Variants in NCOR1 observed in about 807,000 individuals in gnomAD.
NCOR1 encodes nuclear receptor corepressor 1.
Under a neutral mutation model 288.1 loss-of-function variants are expected in NCOR1, and 63 were observed. The observed-to-expected ratio is 0.22, with a 90% confidence interval of 0.18 to 0.27. The LOEUF (loss-of-function observed/expected upper bound fraction) is 0.27. NCOR1 is among the 10% of genes least tolerant of loss of function. The pLI is 1.00. For missense variants in NCOR1, 2,397 were observed against 3,019.2 expected (o/e 0.79, Z 4.83); for synonymous variants, 1,007 against 1,065.9 (o/e 0.94, Z 1.08).
intron 1 of NCOR1, among the ~76,000 whole-genome samples, chr17:16,195,460 G>A (rs1184029027): frequency 1.3e-5 from 2 of 148,350 alleles, no homozygotes; most frequent in Non-Finnish European, 3.0e-5. Flanking sequence ...AACAGAGCAA[G>A]ACTCCGTCTC....
chr17:16,174,497 T>C (rs1332395248), intron 3 of NCOR1, among the ~76,000 whole-genome samples: 3 of 152,132 alleles, frequency 2.0e-5, no homozygotes, highest in South Asian at 4.1e-4. Context: ...AGGCATACCA[T>C]ACCCAGTACT....
At chr17:16,091,288 C>A (rs770222105) in intron 22 of NCOR1, among the ~76,000 whole-genome samples, 2 of 152,188 alleles carry the variant, frequency 1.3e-5, no homozygotes, top group African/African-American at 2.4e-5. Context: ...TATAACAATA[C>A]CGAATGCTCC....
chr17:16,212,715 C>T (rs182229653), intron 1 of NCOR1, among the ~76,000 whole-genome samples: 72 of 152,256 alleles, frequency 4.7e-4, no homozygotes, highest in Admixed American at 4.1e-3. Flanking sequence ...AGGCCTTTGC[C>T]TTCTACAGCA....
chr17:16,086,693 A>G (rs1280653723), intron 22 of NCOR1, among the ~76,000 whole-genome samples: 1 of 152,166 alleles, frequency 6.6e-6, no homozygotes. Flanking sequence ...GCTTATTTCA[A>G]ACTTCTGCTT....
Position 16,150,211 on chromosome 17 carries a change from A to G in NCOR1, c.843-694T>C, listed in dbSNP as rs777018795. ...ATATAAATACAAAGCCAAGGCAAGTAGAAGTAATTTTTTGGATTATCTGCC... is the reference window on the plus strand; with the variant it reads ...ATATAAATACAAAGCCAAGGCAAGTGGAAGTAATTTTTTGGATTATCTGCC... On this transcript the variant is annotated intron_variant, in intron 8 of 45. Transcript: ENST00000268712. Among the ~76,000 whole-genome samples, 56 of 152,140 alleles carry G rather than the reference A, an allele frequency of 3.7e-4. 1 individual carries two copies. Among genetic ancestry groups the G allele is most frequent in the Non-Finnish European group, 6.5e-4 (44 of 68,020 alleles).
At chr17:16,052,685 G>A (rs1170883270) in intron 40 of NCOR1, among the ~76,000 whole-genome samples, 2 of 152,102 alleles carry the variant, frequency 1.3e-5, no homozygotes, top group South Asian at 2.1e-4. Flanking sequence ...AAAAAGAGCT[G>A]GCACCATTCC....
intron 19 of NCOR1, among the ~76,000 whole-genome samples, chr17:16,104,971 C>G (rs564656844): frequency 5.3e-5 from 8 of 151,990 alleles, no homozygotes; most frequent in Non-Finnish European, 1.2e-4. Flanking sequence ...CACAAAGGCT[C>G]CTGAAGTCGG....
chr17:16,092,695 ATTTTTTT>A (rs1184440315), intron 21 of NCOR1, among the ~76,000 whole-genome samples: 456 of 22,520 alleles, frequency 0.02, 14 homozygotes, highest in East Asian at 0.067. Context: ...ATATATATAT[ATTTTTTT>A]TTTTTTTTTT....
intron 14 of NCOR1, among the ~76,000 whole-genome samples, chr17:16,128,109 T>C (rs1479800508): frequency 6.6e-6 from 1 of 152,152 alleles, no homozygotes; most frequent in Admixed American, 6.6e-5. Flanking sequence ...AAATCAAAAC[T>C]GTATAACCAA....
chr17:16,052,655 C>T (rs755229567), intron 40 of NCOR1, among the ~76,000 whole-genome samples: 3 of 152,164 alleles, frequency 2.0e-5, no homozygotes, highest in Non-Finnish European at 2.9e-5. Flanking sequence ...ACATTCACTG[C>T]TGAATTCTAC....
intron 21 of NCOR1, among the ~76,000 whole-genome samples, chr17:16,094,955 T>G (rs377297385): frequency 2.0e-5 from 3 of 152,172 alleles, no homozygotes; most frequent in Non-Finnish European, 2.9e-5. Context: ...CCCCCCAAAG[T>G]GCAGAGATTG....
At chr17:16,065,385 T>C in intron 33 of NCOR1, 100 bp downstream of exon 33, 1 of 1,307,408 alleles carries the variant, frequency 7.6e-7, no homozygotes, top group Admixed American at 2.0e-5. Flanking sequence ...CTTTTCTTTC[T>C]TTCTTTCCAT....
At chr17:16,158,629 T>C (rs1435723405) in intron 6 of NCOR1, 131 bp downstream of exon 6, 8 of 529,564 alleles carry the variant, frequency 1.5e-5, no homozygotes, top group Non-Finnish European at 2.6e-5. Context: ...CCAAAGTTTA[T>C]GAACATTCAA....
At chr17:16,057,402 G>A (rs2060061038) in intron 40 of NCOR1, 112 bp downstream of exon 40, 6 of 1,049,004 alleles carry the variant, frequency 5.7e-6, no homozygotes, top group Non-Finnish European at 8.5e-6. Context: ...ACTTTCCTGG[G>A]AATAAAGGCA....
intron 10 of NCOR1, among the ~76,000 whole-genome samples, chr17:16,145,589 C>T (rs2077816634): frequency 1.3e-5 from 2 of 150,974 alleles, no homozygotes; most frequent in Non-Finnish European, 3.0e-5. Flanking sequence ...TGCCCGGCTG[C>T]CCAGTCTGAG....
chr17:16,086,313 G>A lies in NCOR1; in HGVS notation c.3146C>T (p.Pro1049Leu). The A allele has an allele frequency of 6.2e-7, 1 of 1,614,078 alleles. No individual in the cohort carries two copies. The highest frequency in any genetic ancestry group is 8.5e-7 in the Non-Finnish European group (1 of 1,179,984). ...GATGGAGCCTCCCATTATAAAAGAT[G>A]GTTTTTCTGAAGCCACTGTGGTTTT... ...SSKTTVASEKPSFIMGGSISQ... is the reference protein window; with the variant it reads ...SSKTTVASEKLSFIMGGSISQ... Residue 1049 changes from proline to leucine, a missense_variant, in exon 23 of 46, where the codon CCA becomes CTA. By Grantham distance (98) the Pro-to-Leu change is moderately conservative. Coordinates refer to ENST00000268712, the MANE Select transcript of NCOR1 (RefSeq NM_006311.4).
Position 16,101,459 on chromosome 17 carries a change from C to T in NCOR1, c.2481G>A (p.Arg827=), listed in dbSNP as rs762157824. The T allele has an allele frequency of 6.2e-7, 1 of 1,614,028 alleles. No individual in the cohort carries two copies. The highest frequency in any genetic ancestry group is 1.3e-5 in the African/African-American group (1 of 74,914). Residue 827 remains arginine, a synonymous_variant, in exon 20 of 46, where the codon AGG becomes AGA. Transcript: ENST00000268712. The part of the protein sequence containing the change: ...TKADSVDVEV[R]VPENHASKVE... Reference sequence around the variant, plus strand: ...CTTTAGATGCATGGTTTTCTGGCACCCTCACTTCAACGTCCACAGAGTCAG... The same window carrying T: ...CTTTAGATGCATGGTTTTCTGGCACTCTCACTTCAACGTCCACAGAGTCAG...
At chr17:16,104,722 T>C (rs989422317) in intron 19 of NCOR1, among the ~76,000 whole-genome samples, 2 of 152,156 alleles carry the variant, frequency 1.3e-5, no homozygotes, top group African/African-American at 4.8e-5. Context: ...CAGTGAGCTG[T>C]GTTCACGCTG....
In NCOR1 at chr17:16,169,995, A is replaced by C. The variant is rs1172696199; in HGVS notation, c.435+1808T>G. On this transcript the variant is annotated intron_variant, in intron 4 of 45. Transcript: ENST00000268712. Reference sequence around the variant, plus strand: ...CAAAGAATTTTTCCCCATCCAACTTACTATTTTGAAAAATTTCAAATTTAC... The same window carrying C: ...CAAAGAATTTTTCCCCATCCAACTTCCTATTTTGAAAAATTTCAAATTTAC... 3.3e-5 allele frequency among the ~76,000 whole-genome samples: 5 copies of C among 152,270 alleles called. No homozygotes were observed. The East Asian group carries it at 7.7e-4, about 23-fold the overall frequency.
Sources: gnomAD v4.1 joint callset for allele counts (sites outside exome capture counted in the v4.1 genomes callset) on GRCh38, gnomAD v4.1.1 for gene constraint, MANE v1.5 for transcripts, NCBI Gene and HGNC (gene_info 2026-07-23, HGNC 2026-07-21) for gene names.